The following CREG2 variants were observed in gnomAD, a reference collection of about 807,000 sequenced individuals.
The protein encoded by CREG2 is protein CREG2.
CREG2 carries 24 observed loss-of-function variants against 26.2 expected under a neutral mutation model. That is an observed-to-expected ratio of 0.92 (90% CI 0.66 to 1.29). The LOEUF is 1.29. Ranked by LOEUF, CREG2 falls within the 50% of genes most tolerant of loss-of-function variation. The pLI is 0.00. For synonymous variants in CREG2, 174 were observed against 169.2 expected (o/e 1.03, Z -0.22); for missense variants, 366 against 398.6 (o/e 0.92, Z 0.70).
In CREG2 at chr2:101,364,486, C is replaced by T. The variant is rs769058983; in HGVS notation, c.612-9120G>A. 1.2e-4 allele frequency among the ~76,000 whole-genome samples: 19 copies of T among 152,248 alleles called. No homozygotes were observed. The East Asian group carries it at 1.9e-3, about 15-fold the overall frequency. ...CTGGTGGAAATGCAGGTAAATTTTTCGACTTAGTGGAGGGAGAGGAGTGAG... is the reference window on the plus strand; with the variant it reads ...CTGGTGGAAATGCAGGTAAATTTTTTGACTTAGTGGAGGGAGAGGAGTGAG... On this transcript the variant is annotated intron_variant, in intron 2 of 3. Transcript: ENST00000324768.
intron 1 of CREG2, among the ~76,000 whole-genome samples, chr2:101,386,344 A>G (rs1182100291): frequency 1.3e-5 from 2 of 152,096 alleles, no homozygotes; most frequent in African/African-American, 4.8e-5. Flanking sequence ...AACCCCCAAA[A>G]GCCTTCTGGA....
intron 2 of CREG2, among the ~76,000 whole-genome samples, chr2:101,362,675 C>A (rs1015213813): frequency 2.6e-5 from 4 of 152,162 alleles, no homozygotes; most frequent in Non-Finnish European, 5.9e-5. Flanking sequence ...TGTGGGTGAC[C>A]CTGGGAGCTG....
rs904962246 is a variant in CREG2, at chr2:101,370,939, G to A, written c.611+12594C>T. Among the ~76,000 whole-genome samples the A allele has an allele frequency of 1.1e-3, 165 of 152,282 alleles. 1 individual carries two copies. Among genetic ancestry groups the A allele is most frequent in the African/African-American group, 3.9e-3 (161 of 41,558 alleles). ...ACGCTGGCAGCTCCCCGCCTGCTGA[G>A]GGTCTTGCTGCAGTGCTGACCTCTG... is the stretch of plus-strand genomic sequence containing the variant. On this transcript the variant is annotated intron_variant, in intron 2 of 3. Transcript: ENST00000324768.
chr2:101,380,715 G>A (rs1006631771), intron 2 of CREG2, among the ~76,000 whole-genome samples: 3 of 152,186 alleles, frequency 2.0e-5, no homozygotes, highest in Non-Finnish European at 4.4e-5. Context: ...GCTGAGGCAG[G>A]TGGATCACCT....
chr2:101,350,997 GC>G lies in CREG2; in HGVS notation c.798del (p.Trp266CysfsTer39). On this transcript the variant is annotated frameshift_variant, in exon 4 of 4. Transcript: ENST00000324768. LOFTEE classifies it high-confidence loss of function. ...GATGCGCCTCCATACCATTTCTGAA[GC>G]CAGATATGTTCTATCCTCATCTTCA... Reference protein sequence around the residue: ...FFMKMRIEHIWLQKWYGGASS... With the variant: ...FFMKMRIEHIXLQKWYGGASS... The G allele has an allele frequency of 6.2e-7, 1 of 1,614,076 alleles. No homozygotes were observed. Among genetic ancestry groups the G allele is most frequent in the African/African-American group, 1.3e-5 (1 of 75,036 alleles).
chr2:101,351,937 G>A (rs567662248), intron 3 of CREG2, among the ~76,000 whole-genome samples: 1 of 152,008 alleles, frequency 6.6e-6, no homozygotes, highest in African/African-American at 2.4e-5. Context: ...CCTGGCTGGA[G>A]TGCAGTGGCG....
intron 2 of CREG2, chr2:101,382,939 G>T (rs77683459): frequency 5.7e-5 from 56 of 985,782 alleles, no homozygotes; most frequent in East Asian, 4.5e-4. Context: ...GAGGATGCGA[G>T]TTCAGGCTTT....
chr2:101,375,435 G>A (rs1684775094), intron 2 of CREG2, among the ~76,000 whole-genome samples: 1 of 152,216 alleles, frequency 6.6e-6, no homozygotes, highest in Non-Finnish European at 1.5e-5. Flanking sequence ...AGTAAGAAGG[G>A]GTGTGGCCCA....
At chr2:101,358,652 A>G (rs1026409664) in intron 2 of CREG2, among the ~76,000 whole-genome samples, 1 of 152,250 alleles carries the variant, frequency 6.6e-6, no homozygotes, top group Non-Finnish European at 1.5e-5. Flanking sequence ...TAAAACTGTT[A>G]CAAGCAGTGA....
intron 3 of CREG2, 145 bp downstream of exon 3, chr2:101,355,108 G>A: frequency 1.6e-6 from 1 of 616,294 alleles, no homozygotes. Context: ...GATCTCCATA[G>A]CCAGGCTGAG....
intron 2 of CREG2, chr2:101,382,640 T>C: frequency 2.0e-6 from 2 of 985,456 alleles, no homozygotes; most frequent in Non-Finnish European, 2.4e-6. Context: ...CAATGGCTTA[T>C]CCAGGATGCA....
At chr2:101,357,840 G>T (rs2104471827) in intron 2 of CREG2, among the ~76,000 whole-genome samples, 1 of 151,890 alleles carries the variant, frequency 6.6e-6, no homozygotes, top group Admixed American at 6.5e-5. Flanking sequence ...CTGGTCTCAA[G>T]TAGAAAGCTA....
intron 3 of CREG2, among the ~76,000 whole-genome samples, chr2:101,354,111 A>T (rs1488246361): frequency 6.6e-6 from 1 of 152,210 alleles, no homozygotes; most frequent in East Asian, 1.9e-4. Flanking sequence ...CGTATCCCAG[A>T]ACTTAAAATA....
In CREG2 at chr2:101,387,427, G is replaced by T; in HGVS notation, c.31C>A (p.Arg11=). 1.6e-6 allele frequency: 2 copies of T among 1,226,884 alleles called. No homozygotes were observed. Among genetic ancestry groups the T allele is most frequent in the Non-Finnish European group, 2.0e-6 (2 of 977,856 alleles). The allele number at this position is 1,226,884 out of a possible 1,614,324, so 76.0% of individuals were successfully genotyped here. MSVRRGRRPA[R]PGTRLSWLLC... ...AGCCAGGAGAGGCGGGTCCCCGGCC[G>T]CGCCGGCCGCCGGCCGCGGCGCACG... Residue 11 remains arginine (R), a synonymous_variant, in exon 1 of 4, where the codon CGG becomes AGG. Transcript: ENST00000324768. The surrounding 1 kb of genome is among the most constrained non-coding windows in gnomAD (Gnocchi z 4.7).
intron 1 of CREG2, among the ~76,000 whole-genome samples, chr2:101,385,473 G>A (rs11884231): frequency 0.15 from 22,706 of 152,102 alleles, 1,812 homozygotes; most frequent in African/African-American, 0.19. Context: ...GAGCCACGAC[G>A]CCTGGCCAAC....
chr2:101,382,902 A>G (rs1027251505), intron 2 of CREG2: 3 of 985,568 alleles, frequency 3.0e-6, no homozygotes, highest in Non-Finnish European at 2.4e-6. Flanking sequence ...CAGCTCCCAC[A>G]CCAGCTCCAT....
chr2:101,363,191 G>A (rs1401597579), intron 2 of CREG2, among the ~76,000 whole-genome samples: 1 of 152,236 alleles, frequency 6.6e-6, no homozygotes. Context: ...CCCAAGGCAT[G>A]GACGCCATTG....
intron 2 of CREG2, among the ~76,000 whole-genome samples, chr2:101,358,175 G>A (rs1309536096): frequency 6.6e-6 from 1 of 151,988 alleles, no homozygotes; most frequent in African/African-American, 2.4e-5. Flanking sequence ...TATTTTTAAT[G>A]GAGGTGTGGT....
intron 2 of CREG2, among the ~76,000 whole-genome samples, chr2:101,374,623 T>C (rs1346675041): frequency 6.6e-6 from 1 of 152,232 alleles, no homozygotes; most frequent in Admixed American, 6.5e-5. Flanking sequence ...CAGACAGAGA[T>C]ACGTCTTGGC....
Sources: gnomAD v4.1 joint callset for allele counts (sites outside exome capture counted in the v4.1 genomes callset) on GRCh38, gnomAD v4.1.1 for gene constraint, Gnocchi (gnomAD v3.1) non-coding constraint, MANE v1.5 for transcripts, NCBI Gene and HGNC (gene_info 2026-07-23, HGNC 2026-07-21) for gene names.